Variants in TXNRD2 observed in about 807,000 individuals in gnomAD.
TXNRD2 encodes thioredoxin reductase 2.
A neutral mutation model predicts 70.8 loss-of-function variants in TXNRD2; 67 were observed. That is an observed-to-expected ratio of 0.95 (90% CI 0.78 to 1.16). TXNRD2 has a LOEUF of 1.16. Ranked by LOEUF, TXNRD2 falls within the 50% of genes most tolerant of loss-of-function variation. The pLI, the probability that TXNRD2 is intolerant of heterozygous loss-of-function variation, is 0.00. For missense variants in TXNRD2, 644 were observed against 719.9 expected (o/e 0.89, Z 1.21); for synonymous variants, 301 against 295.8 (o/e 1.02, Z -0.18).
chr22:19,918,784 G>A (rs1486631611), intron 4 of TXNRD2, 76 bp downstream of exon 4: 1 of 1,566,158 alleles, frequency 6.4e-7, no homozygotes, highest in Non-Finnish European at 8.7e-7. Context: ...AGGGCTCATC[G>A]AGGATAAGCC....
chr22:19,936,708 T>C (rs1207211712), intron 1 of TXNRD2, among the ~76,000 whole-genome samples: 9 of 152,208 alleles, frequency 5.9e-5, no homozygotes, highest in Admixed American at 2.0e-4. Context: ...ATCACCAGTA[T>C]GCTTCTGCCT....
In TXNRD2 at chr22:19,931,101, G is replaced by C. The variant is rs746380381; in HGVS notation, c.104-3C>G. The C allele has an allele frequency of 5.6e-6, 9 of 1,613,128 alleles. No individual in the cohort carries two copies. The highest frequency in any genetic ancestry group is 4.0e-5 in the African/African-American group (3 of 74,922). On this transcript the variant is annotated splice_region_variant and splice_polypyrimidine_tract_variant and intron_variant, in intron 1 of 17. Transcript: ENST00000400521. ...GAGATCATAGTCCCGCTGACCTGCT[G>C]AGAGAAGGGATGAGAGGTGGGACGG...
At chr22:19,928,999 C>T (rs1366040623) in intron 2 of TXNRD2, among the ~76,000 whole-genome samples, 1 of 79,268 alleles carries the variant, frequency 1.3e-5, no homozygotes, top group African/African-American at 4.9e-5. Context: ...AAGCAAGACT[C>T]GCTTGCAAAA....
At chr22:19,879,872 G>A in intron 14 of TXNRD2, among the ~76,000 whole-genome samples, 1 of 152,154 alleles carries the variant, frequency 6.6e-6, no homozygotes, top group Non-Finnish European at 1.5e-5. Context: ...GGGGCTGGGG[G>A]CTTCTGGGCC....
intron 8 of TXNRD2, among the ~76,000 whole-genome samples, chr22:19,909,596 AC>A (rs1311174103): frequency 0.11 from 10,340 of 94,718 alleles, 461 homozygotes; most frequent in East Asian, 0.21. Flanking sequence ...CACCACACAC[AC>A]CACTCACACA....
intron 1 of TXNRD2, among the ~76,000 whole-genome samples, chr22:19,935,600 T>C (rs1049023773): frequency 1.1e-4 from 16 of 152,158 alleles, no homozygotes; most frequent in Non-Finnish European, 1.5e-4. Context: ...TAATAAAAAC[T>C]TGCTGGTTTT....
chr22:19,898,714 C>T (rs1347838521), intron 9 of TXNRD2, among the ~76,000 whole-genome samples: 1 of 152,070 alleles, frequency 6.6e-6, no homozygotes, highest in Admixed American at 6.6e-5. Context: ...TCCCCTTGAC[C>T]CCAGGCCCTC....
In TXNRD2 at chr22:19,892,563, G is replaced by A. The variant is rs1398621413; in HGVS notation, c.949+2844C>T. On this transcript the variant is annotated intron_variant, in intron 11 of 17. Coordinates refer to ENST00000400521, the MANE Select transcript of TXNRD2 (RefSeq NM_006440.5). ...GCTCTGCTGAGTAGGGAGGGGCCTCGCTTGTTGCCTGCCAGGCTGACGCCC... is the reference window on the plus strand; with the variant it reads ...GCTCTGCTGAGTAGGGAGGGGCCTCACTTGTTGCCTGCCAGGCTGACGCCC... 5.3e-5 allele frequency among the ~76,000 whole-genome samples: 8 copies of A among 152,258 alleles called. No individual in the cohort carries two copies. The South Asian group carries it at 6.2e-4, about 12-fold the overall frequency.
intron 2 of TXNRD2, among the ~76,000 whole-genome samples, chr22:19,921,414 C>CAAAAAAA (rs34252435): frequency 2.0e-4 from 15 of 75,368 alleles, no homozygotes; most frequent in Non-Finnish European, 3.2e-4. Context: ...GACCCTGTCT[C>CAAAAAAA]AAAAAAAAAA....
chr22:19,909,891 A>ACCCTACT (rs1296027667), intron 8 of TXNRD2, among the ~76,000 whole-genome samples: 3 of 21,472 alleles, frequency 1.4e-4, no homozygotes, highest in African/African-American at 6.8e-4. Flanking sequence ...CACCACTCAC[A>ACCCTACT]CACACACACA....
chr22:19,935,940 G>A (rs543276203), intron 1 of TXNRD2, among the ~76,000 whole-genome samples: 88 of 152,252 alleles, frequency 5.8e-4, no homozygotes, highest in Non-Finnish European at 1.1e-3. Context: ...TATGGGTCAC[G>A]CAGAGTCTAA....
intron 4 of TXNRD2, 130 bp downstream of exon 4, chr22:19,918,730 G>A (rs1278485190): frequency 1.8e-5 from 20 of 1,131,306 alleles, no homozygotes; most frequent in Non-Finnish European, 2.4e-5. Context: ...ACAGCGCAGA[G>A]TCGCCCCTGG....
intron 2 of TXNRD2, among the ~76,000 whole-genome samples, chr22:19,925,322 A>G (rs148899859): frequency 5.6e-4 from 85 of 151,878 alleles, no homozygotes; most frequent in Non-Finnish European, 9.6e-4. Flanking sequence ...AACAAAAAAG[A>G]AGGCAAAATA....
chr22:19,911,322 A>T (rs1363165306), intron 8 of TXNRD2, 55 bp downstream of exon 8: 1 of 1,372,902 alleles, frequency 7.3e-7, no homozygotes, highest in Non-Finnish European at 1.0e-6. Flanking sequence ...CTAAGGGTCC[A>T]GTGCTCACTC....
chr22:19,919,378 A>T (rs1454045472), intron 3 of TXNRD2, among the ~76,000 whole-genome samples, 165 bp downstream of exon 3: 1 of 149,936 alleles, frequency 6.7e-6, no homozygotes, highest in Non-Finnish European at 1.5e-5. Flanking sequence ...TGTTTTCGAT[A>T]ATGGTCAAGA....
rs745896340 is a variant in TXNRD2, at chr22:19,918,869, G to A, written c.365C>T (p.Pro122Leu). The A allele has an allele frequency of 2.0e-5, 32 of 1,608,748 alleles. No homozygotes were observed. The highest frequency in any genetic ancestry group is 3.3e-4 in the Middle Eastern group (2 of 6,032). ...NYGWEVAQPV[P>L]HDWRKMAEAV... ...GGCGCCAGATCCTTACCAGTCATGC[G>A]GCACGGGCTGGGCCACCTCCCAGCC... The change falls in exon 4 of 18, where the codon CCG (proline) becomes CTG (leucine). Residue 122 changes from proline (P) to leucine (L), a missense_variant. Around this residue, in one of 3 missense-constraint regions of TXNRD2, gnomAD observed 566 missense variants for 645.0 expected, o/e 0.88. Transcript: ENST00000400521.
chr22:19,915,355 C>A, intron 6 of TXNRD2, 79 bp from the exon 7 acceptor site: 3 of 1,484,850 alleles, frequency 2.0e-6, no homozygotes, highest in South Asian at 2.4e-5. Context: ...CACCACAGAC[C>A]TTGGCCAGCA....
At chr22:19,936,559 C>G (rs1487777161) in intron 1 of TXNRD2, among the ~76,000 whole-genome samples, 1 of 152,150 alleles carries the variant, frequency 6.6e-6, no homozygotes, top group Admixed American at 6.5e-5. Flanking sequence ...AGGCCCTCCC[C>G]CATCCACCAC....
At chr22:19,932,592 G>T (rs1047003804) in intron 1 of TXNRD2, 1 of 1,442,428 alleles carries the variant, frequency 6.9e-7, no homozygotes, top group Non-Finnish European at 9.1e-7. Context: ...CCCTGCTGAA[G>T]GAAGGAAGAA....
Sources: gnomAD v4.1 joint callset for allele counts (sites outside exome capture counted in the v4.1 genomes callset) on GRCh38, gnomAD v4.1.1 for gene constraint, gnomAD v4.1.1 regional missense constraint, MANE v1.5 for transcripts, NCBI Gene and HGNC (gene_info 2026-07-23, HGNC 2026-07-21) for gene names.